SLC25A13: variants seen among roughly 807,000 people sequenced by gnomAD.
SLC25A13 encodes solute carrier family 25 member 13.
Under a neutral mutation model 85.5 loss-of-function variants are expected in SLC25A13, and 70 were observed. That is an observed-to-expected ratio of 0.82 (90% CI 0.68 to 1.00). SLC25A13 has a LOEUF of 1.00. Among genes scored for constraint, SLC25A13 ranks in the 50% least tolerant of loss-of-function variants. SLC25A13 has a pLI of 0.00. For missense variants in SLC25A13, 765 were observed against 819.8 expected (o/e 0.93, Z 0.82); for synonymous variants, 259 against 288.7 (o/e 0.90, Z 1.04).
chr7:96,127,126 C>T lies in SLC25A13; in HGVS notation c.1591+4617G>A, dbSNP rs571111209. On this transcript the variant is annotated intron_variant, in intron 15 of 17. Coordinates refer to ENST00000265631, the MANE Select transcript of SLC25A13 (RefSeq NM_014251.3). The stretch of plus-strand genomic sequence containing the variant: ...TGACTTGTTCCTCTATCTTATCACT[C>T]TGATAAAAATCATCTGGTATGATAG... Among the ~76,000 whole-genome samples, 7 of 152,234 alleles carry T rather than the reference C, an allele frequency of 4.6e-5. No homozygotes were observed. In the South Asian group the frequency reaches 1.5e-3, roughly 32 times the overall value.
chr7:96,263,602 T>C (rs1797937531), intron 3 of SLC25A13, among the ~76,000 whole-genome samples: 1 of 152,140 alleles, frequency 6.6e-6, no homozygotes, highest in South Asian at 2.1e-4. Flanking sequence ...AGCATACCTC[T>C]TGTTTCTGTG....
At chr7:96,305,723 T>C (rs561883490) in intron 1 of SLC25A13, among the ~76,000 whole-genome samples, 4 of 152,266 alleles carry the variant, frequency 2.6e-5, no homozygotes, top group Non-Finnish European at 4.4e-5. Flanking sequence ...GATAATGCCA[T>C]AAAAAGTTAA....
At chr7:96,221,225 A>G (rs911992353) in intron 4 of SLC25A13, among the ~76,000 whole-genome samples, 1 of 152,172 alleles carries the variant, frequency 6.6e-6, no homozygotes, top group African/African-American at 2.4e-5. Flanking sequence ...GATCTCTGAA[A>G]AGATACTCAG....
intron 3 of SLC25A13, among the ~76,000 whole-genome samples, chr7:96,253,843 AAGCACTGGTCTGTAAACTTTAAC>A (rs927790482): frequency 1.3e-5 from 2 of 152,220 alleles, no homozygotes; most frequent in African/African-American, 4.8e-5. Flanking sequence ...TAAACCTTAA[AAGCACTGGTCTGTAAACTTTAAC>A]AGATATTGGA....
intron 14 of SLC25A13, among the ~76,000 whole-genome samples, chr7:96,132,472 T>C (rs2116429098): frequency 6.6e-6 from 1 of 152,342 alleles, no homozygotes; most frequent in South Asian, 2.1e-4. Flanking sequence ...GATAAATGCC[T>C]GCTCTAAAGC....
At chr7:96,225,380 C>T (rs903160050) in intron 4 of SLC25A13, among the ~76,000 whole-genome samples, 1 of 151,936 alleles carries the variant, frequency 6.6e-6, no homozygotes, top group Non-Finnish European at 1.5e-5. Context: ...CTCACCTTTA[C>T]GAAAATAAAA....
chr7:96,219,384 T>C (rs1169657746), intron 4 of SLC25A13, among the ~76,000 whole-genome samples: 1 of 152,110 alleles, frequency 6.6e-6, no homozygotes, highest in Non-Finnish European at 1.5e-5. Context: ...ATGTAAAAAT[T>C]AGGGCTAATT....
intron 13 of SLC25A13, among the ~76,000 whole-genome samples, chr7:96,164,262 G>T (rs1046199384): frequency 6.6e-6 from 1 of 152,130 alleles, no homozygotes. Context: ...GGAAGCTCAC[G>T]CAGATATGCC....
chr7:96,302,004 T>C (rs1274480593), intron 1 of SLC25A13, among the ~76,000 whole-genome samples: 1 of 152,224 alleles, frequency 6.6e-6, no homozygotes. Context: ...TATCATTATT[T>C]AAATTTAGTA....
At chr7:96,179,729 A>G (rs1189371426) in intron 11 of SLC25A13, among the ~76,000 whole-genome samples, 2 of 152,258 alleles carry the variant, frequency 1.3e-5, no homozygotes, top group African/African-American at 2.4e-5. Flanking sequence ...TGCAATCATT[A>G]AAAGTTTTGG....
At chr7:96,153,574 A>G (rs1175153118) in intron 13 of SLC25A13, among the ~76,000 whole-genome samples, 1 of 152,266 alleles carries the variant, frequency 6.6e-6, no homozygotes, top group Non-Finnish European at 1.5e-5. Flanking sequence ...AGCTGCAGGC[A>G]GCACCACAGC....
At chr7:96,249,314 G>A (rs1433403764) in intron 3 of SLC25A13, among the ~76,000 whole-genome samples, 3 of 152,098 alleles carry the variant, frequency 2.0e-5, no homozygotes, top group Non-Finnish European at 4.4e-5. Context: ...AAAAACTGGC[G>A]CAAGATCTGG....
intron 5 of SLC25A13, among the ~76,000 whole-genome samples, chr7:96,203,130 T>A (rs1335346525): frequency 6.6e-6 from 1 of 152,162 alleles, no homozygotes; most frequent in Non-Finnish European, 1.5e-5. Context: ...TCTTATGAGG[T>A]TTGCCTCGAC....
At position 96,293,187 on chromosome 7, in the gene SLC25A13, C is replaced by T. The variant is rs1336867370; in HGVS notation, c.69+3711G>A. On this transcript the variant is annotated intron_variant, in intron 2 of 17. Transcript: ENST00000265631. ...AAAAACAAGAAATGGGGAAGGATTCCCTATTTAACAAATGGTACTGGGAAA... is the reference window on the plus strand; with the variant it reads ...AAAAACAAGAAATGGGGAAGGATTCTCTATTTAACAAATGGTACTGGGAAA... Among the ~76,000 whole-genome samples, 4 of 152,154 alleles carry T rather than the reference C, an allele frequency of 2.6e-5. No individual in the cohort carries two copies. The East Asian group carries it at 7.7e-4, about 29-fold the overall frequency.
chr7:96,198,708 A>G (rs923152617), intron 5 of SLC25A13, among the ~76,000 whole-genome samples: 3 of 152,220 alleles, frequency 2.0e-5, no homozygotes, highest in African/African-American at 7.2e-5. Flanking sequence ...GCAAAATCAT[A>G]AATAAGGGGG....
At chr7:96,155,397 G>A (rs1793221458) in intron 13 of SLC25A13, among the ~76,000 whole-genome samples, 1 of 152,104 alleles carries the variant, frequency 6.6e-6, no homozygotes, top group Non-Finnish European at 1.5e-5. Flanking sequence ...TTCCTCCCCA[G>A]AGTGTTTTTC....
intron 3 of SLC25A13, among the ~76,000 whole-genome samples, chr7:96,255,387 T>G (rs958468970): frequency 1.8e-4 from 27 of 152,334 alleles, no homozygotes; most frequent in African/African-American, 6.5e-4. Context: ...TTTTCTCTAA[T>G]GAATTGAAAA....
chr7:96,167,667 C>A (rs1793809952), intron 13 of SLC25A13, among the ~76,000 whole-genome samples: 1 of 152,202 alleles, frequency 6.6e-6, no homozygotes, highest in African/African-American at 2.4e-5. Context: ...TCATGTGACA[C>A]AACCTTACAA....
intron 3 of SLC25A13, among the ~76,000 whole-genome samples, chr7:96,259,003 G>C (rs1374025643): frequency 1.3e-5 from 2 of 152,146 alleles, no homozygotes; most frequent in Admixed American, 6.5e-5. Flanking sequence ...GGGAAAACTG[G>C]CTAACCATAT....
Sources: gnomAD v4.1 joint callset for allele counts (sites outside exome capture counted in the v4.1 genomes callset) on GRCh38, gnomAD v4.1.1 for gene constraint, MANE v1.5 for transcripts, NCBI Gene and HGNC (gene_info 2026-07-23, HGNC 2026-07-21) for gene names.